HOOK3: variants seen among roughly 807,000 people sequenced by gnomAD.
The protein encoded by HOOK3 is hook microtubule tethering protein 3.
In HOOK3, 24 loss-of-function variants were observed where a neutral mutation model predicts 116.3. The observed-to-expected ratio is 0.21, with a 90% CI of 0.15 to 0.29. The LOEUF (loss-of-function observed/expected upper bound fraction) is 0.29. HOOK3 is among the 10% of genes least tolerant of loss of function. The pLI is 1.00. For synonymous variants in HOOK3, 275 were observed against 283.0 expected (o/e 0.97, Z 0.28); for missense variants, 632 against 830.2 (o/e 0.76, Z 2.93).
At chr8:42,975,029 G>A (rs964290659) in intron 13 of HOOK3, among the ~76,000 whole-genome samples, 6 of 152,168 alleles carry the variant, frequency 3.9e-5, no homozygotes, top group African/African-American at 4.8e-5. Flanking sequence ...CCTCCTTGGC[G>A]TAGCGACGGG....
At chr8:42,951,289 G>A (rs549016839) in intron 6 of HOOK3, among the ~76,000 whole-genome samples, 68 of 150,526 alleles carry the variant, frequency 4.5e-4, no homozygotes, top group African/African-American at 1.6e-3. Context: ...TCGAACTCCT[G>A]AGCCTCAGGT....
chr8:42,997,681 T>G (rs1809305532), intron 16 of HOOK3, 44 bp downstream of exon 16: 1 of 1,020,626 alleles, frequency 9.8e-7, no homozygotes, highest in Non-Finnish European at 1.6e-6. Context: ...AGTTTCACAA[T>G]GTTGAGAAAT....
intron 2 of HOOK3, among the ~76,000 whole-genome samples, chr8:42,918,683 C>T (rs1807581094): frequency 6.6e-6 from 1 of 152,118 alleles, no homozygotes; most frequent in African/African-American, 2.4e-5. Context: ...TCTTGCACCG[C>T]CCTTGATCCA....
At chr8:42,942,843 C>CA (rs1055029859) in intron 4 of HOOK3, among the ~76,000 whole-genome samples, 2 of 152,194 alleles carry the variant, frequency 1.3e-5, no homozygotes, top group Non-Finnish European at 2.9e-5. Flanking sequence ...TGGGAACAGT[C>CA]AGTTTCCGTA....
At chr8:42,926,781 T>A (rs917123327) in intron 3 of HOOK3, among the ~76,000 whole-genome samples, 9 of 152,230 alleles carry the variant, frequency 5.9e-5, no homozygotes, top group Non-Finnish European at 1.3e-4. Context: ...TCTATGTTAG[T>A]GTGTGCAGTT....
intron 2 of HOOK3, among the ~76,000 whole-genome samples, chr8:42,916,609 T>C (rs934388423): frequency 6.6e-6 from 1 of 152,214 alleles, no homozygotes; most frequent in Non-Finnish European, 1.5e-5. Flanking sequence ...CTCTTGAAAG[T>C]GCTTGCTGTT....
At chr8:42,940,530 A>C (rs1445681994) in intron 4 of HOOK3, among the ~76,000 whole-genome samples, 1 of 152,150 alleles carries the variant, frequency 6.6e-6, no homozygotes, top group Non-Finnish European at 1.5e-5. Context: ...AGGGAGAGGG[A>C]GAGGGAGAGC....
intron 4 of HOOK3, among the ~76,000 whole-genome samples, chr8:42,936,609 A>C (rs1807976431): frequency 6.6e-6 from 1 of 152,174 alleles, no homozygotes; most frequent in Non-Finnish European, 1.5e-5. Flanking sequence ...AGGGGTGTTG[A>C]ATTTTATCGA....
In HOOK3 at chr8:43,025,530, A is replaced by G; in HGVS notation, c.*7032A>G. ...ACATGATTATTCAGTAAAAGAGTAA[A>G]CAAATATCTAATTTATTTTCTAATT... is the stretch of plus-strand genomic sequence containing the variant. On this transcript the variant is annotated 3_prime_UTR_variant, in exon 22 of 22. Transcript: ENST00000307602. 4.7e-6 allele frequency: 1 copy of G among 212,524 alleles called. No individual in the cohort carries two copies. The highest frequency in any genetic ancestry group is 7.1e-5 in the East Asian group (1 of 14,042). The allele number at this position is 212,524 out of a possible 1,614,324, so 13.2% of individuals were successfully genotyped here.
At chr8:42,948,035 G>A (rs1808268437) in intron 5 of HOOK3, among the ~76,000 whole-genome samples, 1 of 152,012 alleles carries the variant, frequency 6.6e-6, no homozygotes. Flanking sequence ...TGGTAAGTTT[G>A]AAAAAACAAA....
intron 11 of HOOK3, among the ~76,000 whole-genome samples, chr8:42,972,950 T>G (rs1184189728): frequency 6.6e-6 from 1 of 152,222 alleles, no homozygotes; most frequent in African/African-American, 2.4e-5. Flanking sequence ...TCTTGTAAGC[T>G]TAGCTATGCA....
chr8:42,911,915 G>A (rs1052555504), intron 2 of HOOK3, among the ~76,000 whole-genome samples: 12 of 152,196 alleles, frequency 7.9e-5, no homozygotes, highest in African/African-American at 2.9e-4. Context: ...GAGGAAATGT[G>A]AAGTTGACAG....
At position 43,013,311 on chromosome 8, in the gene HOOK3, GCT is replaced by G. The variant is rs1563314629; in HGVS notation, c.1945-17_1945-16del. On this transcript the variant is annotated splice_polypyrimidine_tract_variant and intron_variant, in intron 20 of 21. Transcript: ENST00000307602. ...TTTATATCTTTACATATTTACATGTGCTTTTTTTTTTTTTTAGAAAGAATATG... is the reference window on the plus strand; with the variant it reads ...TTTATATCTTTACATATTTACATGTGTTTTTTTTTTTTTAGAAAGAATATG... 2 of 1,256,748 alleles carry G rather than the reference GCT, an allele frequency of 1.6e-6. No homozygotes were observed. Among genetic ancestry groups the G allele is most frequent in the East Asian group, 2.6e-5 (1 of 37,978 alleles). 77.8% of individuals were successfully genotyped at this position (1,256,748 alleles called of 1,614,324 possible).
chr8:43,015,742 G>A (rs1053048531), intron 21 of HOOK3, among the ~76,000 whole-genome samples: 9 of 151,558 alleles, frequency 5.9e-5, no homozygotes, highest in South Asian at 2.1e-4. Context: ...TTTTTGAGAC[G>A]GAGTCTCACT....
intron 15 of HOOK3, among the ~76,000 whole-genome samples, chr8:42,989,324 G>A (rs1010953781): frequency 6.6e-6 from 1 of 152,238 alleles, no homozygotes; most frequent in African/African-American, 2.4e-5. Context: ...TGAAGTGGGA[G>A]AAAGAAGGTA....
chr8:42,910,656 G>T (rs1330914682), intron 2 of HOOK3, among the ~76,000 whole-genome samples: 1 of 152,166 alleles, frequency 6.6e-6, no homozygotes. Flanking sequence ...TTGTTACACA[G>T]TATCTATTTT....
intron 6 of HOOK3, among the ~76,000 whole-genome samples, chr8:42,956,488 AT>A (rs1808438875): frequency 1.3e-5 from 2 of 151,730 alleles, no homozygotes; most frequent in Admixed American, 6.6e-5. Context: ...TAGACCTCTA[AT>A]TCAATTTATT....
chr8:42,900,393 C>T (rs1807161909), intron 1 of HOOK3, among the ~76,000 whole-genome samples: 1 of 152,156 alleles, frequency 6.6e-6, no homozygotes, highest in Non-Finnish European at 1.5e-5. Context: ...GTCTACAATG[C>T]TACCAAGTTA....
chr8:42,988,199 T>G (rs1251976546), intron 15 of HOOK3, among the ~76,000 whole-genome samples: 1 of 152,182 alleles, frequency 6.6e-6, no homozygotes, highest in Non-Finnish European at 1.5e-5. Flanking sequence ...AGGGATTTTT[T>G]AAAGTACTCA....
Sources: allele counts gnomAD v4.1 joint callset (sites outside exome capture counted in the v4.1 genomes callset), GRCh38; gene constraint gnomAD v4.1.1; transcripts MANE v1.5; gene names NCBI Gene and HGNC (gene_info 2026-07-23, HGNC 2026-07-21).